Variants in DCLK1 observed in about 807,000 individuals in gnomAD.
The protein encoded by DCLK1 is serine/threonine-protein kinase DCLK1.
Under a neutral mutation model 86.2 loss-of-function variants are expected in DCLK1, and 16 were observed. That is an observed-to-expected ratio of 0.19 (90% confidence interval 0.13 to 0.28). DCLK1 has a LOEUF of 0.28. Ranked by LOEUF, DCLK1 falls within the 10% of genes least tolerant of loss-of-function variation. The pLI is 1.00. For missense variants in DCLK1, 590 were observed against 940.2 expected (o/e 0.63, Z 4.87); for synonymous variants, 369 against 370.5 (o/e 1.00, Z 0.05).
intron 3 of DCLK1, among the ~76,000 whole-genome samples, chr13:36,039,901 G>T (rs1882641386): frequency 6.6e-6 from 1 of 151,524 alleles, no homozygotes; most frequent in Non-Finnish European, 1.5e-5. Context: ...ATATAATACA[G>T]ACAACTTTTC....
At chr13:35,975,312 G>A (rs1879279660) in intron 3 of DCLK1, among the ~76,000 whole-genome samples, 1 of 152,170 alleles carries the variant, frequency 6.6e-6, no homozygotes, top group Non-Finnish European at 1.5e-5. Context: ...CTTTGCCACT[G>A]AAAAGAAGAA....
intron 3 of DCLK1, among the ~76,000 whole-genome samples, chr13:36,083,892 C>A (rs1337288904): frequency 6.6e-6 from 1 of 152,092 alleles, no homozygotes; most frequent in Non-Finnish European, 1.5e-5. Context: ...ATATATCCTC[C>A]AAGTCAACAG....
chr13:35,861,269 G>C (rs1871364901), intron 5 of DCLK1, among the ~76,000 whole-genome samples: 1 of 152,158 alleles, frequency 6.6e-6, no homozygotes, highest in African/African-American at 2.4e-5. Flanking sequence ...AATAAAAAAA[G>C]ACCAACTAGA....
chr13:35,775,720 CT>C (rs2086414491), intron 16 of DCLK1, among the ~76,000 whole-genome samples: 1 of 152,178 alleles, frequency 6.6e-6, no homozygotes, highest in African/African-American at 2.4e-5. Flanking sequence ...TAAGAGATTA[CT>C]TTTCTTCTAC....
At chr13:35,933,538 C>T (rs1876577370) in intron 4 of DCLK1, among the ~76,000 whole-genome samples, 1 of 152,232 alleles carries the variant, frequency 6.6e-6, no homozygotes, top group Non-Finnish European at 1.5e-5. Flanking sequence ...TCCCAAACCC[C>T]AATTCTTGAC....
intron 5 of DCLK1, among the ~76,000 whole-genome samples, chr13:35,859,495 A>G (rs1242232773): frequency 6.6e-6 from 1 of 152,172 alleles, no homozygotes; most frequent in African/African-American, 2.4e-5. Context: ...TGCAGAGCTG[A>G]CTTCTATCCC....
chr13:36,101,391 G>C (rs533246579), intron 3 of DCLK1, among the ~76,000 whole-genome samples: 2 of 152,326 alleles, frequency 1.3e-5, no homozygotes, highest in South Asian at 2.1e-4. Flanking sequence ...GAAAATTGCT[G>C]CTGGCAATCA....
chr13:35,987,120 G>A (rs1879955515), intron 3 of DCLK1, among the ~76,000 whole-genome samples: 1 of 152,140 alleles, frequency 6.6e-6, no homozygotes, highest in South Asian at 2.1e-4. Flanking sequence ...GAGACTGGCT[G>A]AGAATTAAGT....
chr13:35,940,113 C>T (rs536586215), intron 4 of DCLK1, among the ~76,000 whole-genome samples: 1 of 151,674 alleles, frequency 6.6e-6, no homozygotes, highest in East Asian at 2.0e-4. Context: ...CCCAGCTACT[C>T]GGGAGGATGA....
At chr13:35,814,470 G>T (rs557184580) in intron 11 of DCLK1, among the ~76,000 whole-genome samples, 8 of 152,294 alleles carry the variant, frequency 5.3e-5, no homozygotes, top group African/African-American at 1.9e-4. Context: ...TCCTTATTCT[G>T]ACCATCTTTC....
intron 4 of DCLK1, among the ~76,000 whole-genome samples, chr13:35,899,605 G>A (rs1312935844): frequency 6.6e-6 from 1 of 152,172 alleles, no homozygotes; most frequent in African/African-American, 2.4e-5. Context: ...GCAGCACAGT[G>A]ATGAATATGT....
intron 3 of DCLK1, among the ~76,000 whole-genome samples, chr13:35,952,564 G>T (rs1444819458): frequency 2.6e-5 from 4 of 152,172 alleles, no homozygotes; most frequent in Admixed American, 2.6e-4. Flanking sequence ...TTCTAGTTTC[G>T]TGACAACCAG....
intron 4 of DCLK1, among the ~76,000 whole-genome samples, chr13:35,916,067 C>T (rs914972614): frequency 5.9e-5 from 9 of 152,296 alleles, no homozygotes; most frequent in African/African-American, 2.2e-4. Context: ...TCAGGCTCTG[C>T]GTGATGAGGC....
At chr13:36,001,107 C>T (rs1880696380) in intron 3 of DCLK1, among the ~76,000 whole-genome samples, 1 of 152,070 alleles carries the variant, frequency 6.6e-6, no homozygotes, top group South Asian at 2.1e-4. Flanking sequence ...AGCCACCAAG[C>T]CCAGCTAATT....
At chr13:35,943,071 G>A (rs1484522701) in intron 4 of DCLK1, among the ~76,000 whole-genome samples, 1 of 152,188 alleles carries the variant, frequency 6.6e-6, no homozygotes, top group African/African-American at 2.4e-5. Flanking sequence ...ATCTTATTTG[G>A]AGATAGAGTC....
intron 3 of DCLK1, among the ~76,000 whole-genome samples, chr13:35,982,867 T>C (rs1039573994): frequency 1.3e-5 from 2 of 152,066 alleles, no homozygotes; most frequent in South Asian, 4.2e-4. Flanking sequence ...GTTCAAGCCA[T>C]TCTCCTGCCT....
intron 3 of DCLK1, among the ~76,000 whole-genome samples, chr13:35,959,545 A>T (rs893169128): frequency 3.3e-5 from 5 of 152,034 alleles, no homozygotes; most frequent in African/African-American, 1.2e-4. Context: ...TTTTCATTTG[A>T]AAGCCCCTGA....
chr13:36,045,344 A>ATC (rs1566658679), intron 3 of DCLK1, among the ~76,000 whole-genome samples: 32 of 96,456 alleles, frequency 3.3e-4, no homozygotes, highest in Admixed American at 2.3e-3. Context: ...ATATATATAT[A>ATC]TATATATATA....
chr13:35,776,117 AC>A (rs1160173487), intron 16 of DCLK1, among the ~76,000 whole-genome samples: 1 of 152,174 alleles, frequency 6.6e-6, no homozygotes, highest in Non-Finnish European at 1.5e-5. Context: ...TGAAACGTCT[AC>A]CTTTGATTCT....
Sources: allele counts gnomAD v4.1 joint callset (sites outside exome capture counted in the v4.1 genomes callset), GRCh38; gene constraint gnomAD v4.1.1; transcripts MANE v1.5; gene names NCBI Gene and HGNC (gene_info 2026-07-23, HGNC 2026-07-21).